Variants in TIMELESS observed in about 807,000 individuals in gnomAD.
The protein encoded by TIMELESS is protein timeless homolog.
A neutral mutation model predicts 164.3 loss-of-function variants in TIMELESS; 124 were observed. The observed-to-expected ratio is 0.75, with a 90% CI of 0.65 to 0.88. The LOEUF is 0.88. Among genes scored for constraint, TIMELESS ranks in the 40% least tolerant of loss-of-function variants. The probability of loss-of-function intolerance (pLI) is 0.00; values close to 1 mark genes in which losing one functional copy is unlikely to be tolerated. For synonymous variants in TIMELESS, 564 were observed against 563.4 expected (o/e 1.00, Z -0.02); for missense variants, 1,422 against 1,491.4 (o/e 0.95, Z 0.77).
chr12:56,443,223 A>C (rs1362697282), intron 1 of TIMELESS, among the ~76,000 whole-genome samples: 2 of 152,150 alleles, frequency 1.3e-5, no homozygotes, highest in African/African-American at 4.8e-5. Flanking sequence ...AGTAGGAGAA[A>C]TATCACTGAA....
chr12:56,432,554 A>G (rs760464779), intron 6 of TIMELESS, 30 bp from the exon 7 acceptor site: 1 of 1,603,822 alleles, frequency 6.2e-7, no homozygotes, highest in Admixed American at 1.7e-5. Flanking sequence ...GGTAGAAAGG[A>G]AGCTCATTCA....
In TIMELESS at chr12:56,433,811, C is replaced by T; in HGVS notation, c.213G>A (p.Gln71=). 1.2e-6 allele frequency: 2 copies of T among 1,614,120 alleles called. No homozygotes were observed. Among genetic ancestry groups the T allele is most frequent in the South Asian group, 2.2e-5 (2 of 91,090 alleles). Residue 71 remains glutamine, a synonymous_variant, in exon 3 of 29, where the codon CAG becomes CAA. Coordinates refer to ENST00000553532, the MANE Select transcript of TIMELESS (RefSeq NM_003920.5). ...CAAAGAGAGGCTTGTCCTGGTGGTG[C>T]TGGGTGAGGATGGGCAGAAGGTCGC... ...LQSDLLPILT[Q]HHQDKPLFDA... is the part of the protein sequence containing the mutation.
In TIMELESS at chr12:56,416,493, G is replaced by A. The variant is rs1881262797; in HGVS notation, c.*1223C>T. ...AGAAAGCTGACGTTTCCAAGAATGG[G>A]TAAGAACATAATATTTGCAGTATTT... On this transcript the variant is annotated 3_prime_UTR_variant, in exon 29 of 29. Transcript: ENST00000553532. 1 of 152,172 alleles carries A rather than the reference G, an allele frequency of 6.6e-6. No individual in the cohort carries two copies. The highest frequency in any genetic ancestry group is 2.4e-5 in the African/African-American group (1 of 41,430). The allele number at this position is 152,172 out of a possible 1,614,324, so 9.4% of individuals were successfully genotyped here. A position where few individuals can be genotyped will look rare whatever the true frequency, so the allele number is the denominator to read the frequency against.
intron 13 of TIMELESS, among the ~76,000 whole-genome samples, chr12:56,426,377 T>C (rs1430548496): frequency 7.1e-6 from 1 of 140,926 alleles, no homozygotes; most frequent in African/African-American, 2.7e-5. Flanking sequence ...AAGGTTCTGG[T>C]ACAAAATCTT....
At position 56,430,279 on chromosome 12, in the gene TIMELESS, T is replaced by C. The variant is rs904318718; in HGVS notation, c.912A>G (p.Leu304=). ...TTCCCAAATCTGAACTGTAGTTTCG[T>C]AGCTGGGTGTGTCGGTTGGGGGATT... The part of the protein sequence containing the change: ...DLIFHKGLHN[L]RNYSSDLGKQ... The change falls in exon 10 of 29, where the codon CTA becomes CTG. Residue 304 remains leucine, a splice_region_variant and synonymous_variant. Coordinates refer to ENST00000553532, the MANE Select transcript of TIMELESS (RefSeq NM_003920.5). 1.9e-6 allele frequency: 3 copies of C among 1,612,234 alleles called. No homozygotes were observed. The highest frequency in any genetic ancestry group is 1.3e-5 in the African/African-American group (1 of 74,868).
At position 56,420,868 on chromosome 12, in the gene TIMELESS, C is replaced by T. The variant is rs143413940; in HGVS notation, c.3054G>A (p.Pro1018=). The T allele has an allele frequency of 6.2e-7, 1 of 1,614,142 alleles. No individual in the cohort carries two copies. Among genetic ancestry groups the T allele is most frequent in the South Asian group, 1.1e-5 (1 of 91,078 alleles). Residue 1018 remains proline (P), a synonymous_variant, in exon 25 of 29, where the codon CCG becomes CCA. Transcript: ENST00000553532. ...QSLHQEGFSI[P]LLWLQNCLIR... The stretch of plus-strand genomic sequence containing the variant: ...TCAGGCAGTTCTGGAGCCATAGGAG[C>T]GGGATAGAAAAGCCTAAGGAAATGA...
chr12:56,428,884 G>T lies in TIMELESS; in HGVS notation c.1303C>A (p.Arg435=). 1 of 1,613,338 alleles carries T rather than the reference G, an allele frequency of 6.2e-7. No individual in the cohort carries two copies. The highest frequency in any genetic ancestry group is 8.5e-7 in the Non-Finnish European group (1 of 1,179,918). Reference sequence around the variant, plus strand: ...ATCTCCAGTAACCATCCCACTCACCGGCGTGCCCAGGAGGCAGCTTCCTTG... The same window carrying T: ...ATCTCCAGTAACCATCCCACTCACCTGCGTGCCCAGGAGGCAGCTTCCTTG... ...DRKEAASWAR[R]MHLALKAYQE... Residue 435 remains arginine, a splice_region_variant and synonymous_variant, in exon 11 of 29, where the codon CGG becomes AGG. Transcript: ENST00000553532.
At chr12:56,427,405 G>A (rs542655376) in intron 13 of TIMELESS, among the ~76,000 whole-genome samples, 3 of 152,326 alleles carry the variant, frequency 2.0e-5, no homozygotes, top group Admixed American at 2.0e-4. Flanking sequence ...TTACAGGCAT[G>A]AGCCACTGTG....
At position 56,440,202 on chromosome 12, in the gene TIMELESS, G is replaced by A. The variant is rs181139570; in HGVS notation, c.-61-5971C>T. The stretch of plus-strand genomic sequence containing the variant: ...CGCCCAGGCTGGAGTGCAGTGGCAC[G>A]ATCTCAGCTCACTGCAACCGCCACC... On this transcript the variant is annotated intron_variant, in intron 1 of 28. Coordinates refer to ENST00000553532, the MANE Select transcript of TIMELESS (RefSeq NM_003920.5). Among the ~76,000 whole-genome samples the A allele has an allele frequency of 5.3e-3, 720 of 136,172 alleles. 5 individuals are homozygous for A. The highest frequency in any genetic ancestry group is 0.017 in the African/African-American group (614 of 35,882). 89.3% of individuals were successfully genotyped at this position (136,172 alleles called of 152,430 possible).
Position 56,428,327 on chromosome 12 carries a change from C to T in TIMELESS, c.1487G>A (p.Arg496His), listed in dbSNP as rs766848185. 11 of 1,613,448 alleles carry T rather than the reference C, an allele frequency of 6.8e-6. No individual in the cohort carries two copies. In the South Asian group the frequency reaches 8.8e-5, roughly 13 times the overall value. Reference sequence around the variant, plus strand: ...CTCCACCAGGTCACGAAGGAAAGAGCGGGGCTGGCATCTCTCATCAAACTT... The same window carrying T: ...CTCCACCAGGTCACGAAGGAAAGAGTGGGGCTGGCATCTCTCATCAAACTT... ...FRKFDERCQP[R>H]SFLRDLVETT... Residue 496 changes from arginine (R) to histidine (H), a missense_variant, in exon 13 of 29, where the codon CGC (arginine) becomes CAC (histidine). By Grantham distance (29) the Arg-to-His change is conservative. Transcript: ENST00000553532.
At chr12:56,430,346 C>G in intron 9 of TIMELESS, 65 bp from the exon 10 acceptor site, 1 of 1,526,608 alleles carries the variant, frequency 6.6e-7, no homozygotes, top group East Asian at 2.3e-5. Context: ...CAGCTCTCGT[C>G]AATTTTCTCA....
Position 56,434,135 on chromosome 12 carries a change from G to A in TIMELESS, c.36C>T (p.Ala12=), listed in dbSNP as rs1463831823. ...CCAAGTACCCAAGGGCACTACATGT[G>A]GCTAGAAGTTCACAGTTCATCATGT... ...DLHMMNCELL[A]TCSALGYLEG... Residue 12 remains alanine (A), a synonymous_variant, in exon 2 of 29, where the codon GCC becomes GCT. Transcript: ENST00000553532. 1 of 1,614,142 alleles carries A rather than the reference G, an allele frequency of 6.2e-7. No individual in the cohort carries two copies. Among genetic ancestry groups the A allele is most frequent in the Non-Finnish European group, 8.5e-7 (1 of 1,180,012 alleles).
chr12:56,444,897 A>G (rs1592259067), intron 1 of TIMELESS, among the ~76,000 whole-genome samples: 1 of 149,598 alleles, frequency 6.7e-6, no homozygotes, highest in South Asian at 2.1e-4. Context: ...TTCAACTACC[A>G]CCCAAGCCAG....
Position 56,423,327 on chromosome 12 carries a change from C to G in TIMELESS, c.2239G>C (p.Val747Leu), listed in dbSNP as rs370786254. The G allele has an allele frequency of 2.5e-6, 4 of 1,614,058 alleles. No homozygotes were observed. The African/African-American group carries it at 5.3e-5, about 22-fold the overall frequency. ...AGCAGACGATTGAAGAGGCAGAAGA[C>G]TGACAGCTGAAAAAGTAGGGCTTCC... The part of the protein sequence containing the change: ...KMEALLFQLS[V>L]FCLFNRLLSD... Residue 747 changes from valine to leucine, a missense_variant, in exon 18 of 29, where the codon GTC becomes CTC. Coordinates refer to ENST00000553532, the MANE Select transcript of TIMELESS (RefSeq NM_003920.5).
chr12:56,445,730 CAA>C (rs550513491), intron 1 of TIMELESS, among the ~76,000 whole-genome samples: 17 of 130,438 alleles, frequency 1.3e-4, no homozygotes, highest in Non-Finnish European at 8.3e-5. Flanking sequence ...AACTCTGTCT[CAA>C]AAAAAAAAAA....
chr12:56,429,780 C>T lies in TIMELESS; in HGVS notation c.1086+325G>A, dbSNP rs139410266. ...GATCCACTGCCTCAGCCTCTCAAAG[C>T]GCTGGGATTACAGGTGTGAGCCACC... On this transcript the variant is annotated intron_variant, in intron 10 of 28. Coordinates refer to ENST00000553532, the MANE Select transcript of TIMELESS (RefSeq NM_003920.5). Among the ~76,000 whole-genome samples, 155 of 150,512 alleles carry T rather than the reference C, an allele frequency of 1.0e-3. 1 individual carries two copies. The highest frequency in any genetic ancestry group is 3.5e-3 in the African/African-American group (144 of 40,914).
Position 56,425,014 on chromosome 12 carries a change from C to T in TIMELESS, c.1716+1G>A. 1 of 1,614,204 alleles carries T rather than the reference C, an allele frequency of 6.2e-7. No homozygotes were observed. Among genetic ancestry groups the T allele is most frequent in the Non-Finnish European group, 8.5e-7 (1 of 1,180,024 alleles). ...AAGACAGGGTTTCTGTAACCACCTA[C>T]CTGGGCACAGCACTGTAGCTGCTCA... On this transcript the variant is annotated splice_donor_variant, in intron 14 of 28. Transcript: ENST00000553532. LOFTEE classifies it high-confidence loss of function.
intron 1 of TIMELESS, among the ~76,000 whole-genome samples, chr12:56,439,167 C>CAAAAAA (rs57127557): frequency 7.0e-5 from 6 of 85,640 alleles, no homozygotes; most frequent in African/African-American, 8.9e-5. Context: ...AACTCCTTCT[C>CAAAAAA]AAAAAAAAAA....
chr12:56,443,337 C>T (rs887235258), intron 1 of TIMELESS, among the ~76,000 whole-genome samples: 8 of 152,160 alleles, frequency 5.3e-5, no homozygotes, highest in East Asian at 1.9e-4. Flanking sequence ...CTGTCTTATG[C>T]GGTTGAGATA....
Sources: allele counts gnomAD v4.1 joint callset (sites outside exome capture counted in the v4.1 genomes callset), GRCh38; gene constraint gnomAD v4.1.1; transcripts MANE v1.5; gene names NCBI Gene and HGNC (gene_info 2026-07-23, HGNC 2026-07-21).